Variants in EXOC4 observed in about 807,000 individuals in gnomAD.
EXOC4 encodes the protein SEC8-like 1.
In EXOC4, 71 loss-of-function variants were observed where a neutral mutation model predicts 107.2. That is an observed-to-expected ratio of 0.66 (90% CI 0.55 to 0.81). The LOEUF (loss-of-function observed/expected upper bound fraction) is 0.81. Ranked by LOEUF, EXOC4 falls within the 30% of genes least tolerant of loss-of-function variation. The pLI, the probability that EXOC4 is intolerant of heterozygous loss-of-function variation, is 0.00. For missense variants in EXOC4, 1,108 were observed against 1,189.6 expected (o/e 0.93, Z 1.01); for synonymous variants, 456 against 441.2 (o/e 1.03, Z -0.42).
intron 4 of EXOC4, among the ~76,000 whole-genome samples, chr7:133,312,500 A>G (rs1416314420): frequency 1.3e-5 from 2 of 152,176 alleles, no homozygotes; most frequent in African/African-American, 2.4e-5. Flanking sequence ...CATCATGAGC[A>G]TGTTTTTTAA....
intron 10 of EXOC4, among the ~76,000 whole-genome samples, chr7:133,670,164 T>C (rs1186976782): frequency 6.6e-6 from 1 of 152,220 alleles, no homozygotes; most frequent in African/African-American, 2.4e-5. Context: ...ATTGCTAAGG[T>C]GCATACCACC....
chr7:133,427,113 T>G (rs1458148892), intron 7 of EXOC4, among the ~76,000 whole-genome samples: 1 of 152,216 alleles, frequency 6.6e-6, no homozygotes, highest in Non-Finnish European at 1.5e-5. Flanking sequence ...TTGTTTTATT[T>G]TTTTCAAGAT....
intron 17 of EXOC4, among the ~76,000 whole-genome samples, chr7:134,029,362 T>C (rs188277929): frequency 1.5e-4 from 23 of 152,302 alleles, no homozygotes; most frequent in Admixed American, 1.4e-3. Flanking sequence ...ATTTCATTCA[T>C]ATGAAGGTCC....
rs114631571 is a variant in EXOC4, at chr7:133,380,797, G to A, written c.1182+5795G>A. 4.9e-3 allele frequency among the ~76,000 whole-genome samples: 752 copies of A among 152,226 alleles called. 5 individuals carry two copies. Among genetic ancestry groups the A allele is most frequent in the African/African-American group, 0.018 (729 of 41,540 alleles). On this transcript the variant is annotated intron_variant, in intron 7 of 17. Coordinates refer to ENST00000253861, the MANE Select transcript of EXOC4 (RefSeq NM_021807.4). ...ACGTTAATGCATACATGTACCAATGGCATAAGCTATTTGACAGAGAAAGAA... is the reference window on the plus strand; with the variant it reads ...ACGTTAATGCATACATGTACCAATGACATAAGCTATTTGACAGAGAAAGAA...
chr7:133,364,147 A>G (rs1365007051), intron 6 of EXOC4, among the ~76,000 whole-genome samples: 2 of 151,764 alleles, frequency 1.3e-5, no homozygotes, highest in East Asian at 1.9e-4. Flanking sequence ...TTTTATGGAG[A>G]TGTGGTCTCA....
intron 9 of EXOC4, among the ~76,000 whole-genome samples, chr7:133,599,222 C>T (rs1390251880): frequency 6.6e-6 from 1 of 152,040 alleles, no homozygotes; most frequent in Admixed American, 6.6e-5. Context: ...CGTTATAGTT[C>T]CATTGGTTGG....
chr7:133,497,294 G>C (rs969556507), intron 9 of EXOC4, among the ~76,000 whole-genome samples: 1 of 152,144 alleles, frequency 6.6e-6, no homozygotes, highest in Non-Finnish European at 1.5e-5. Flanking sequence ...TGTTAAATTT[G>C]TGAAATTGTC....
intron 17 of EXOC4, among the ~76,000 whole-genome samples, chr7:134,035,281 G>A (rs1454295005): frequency 6.6e-6 from 1 of 152,066 alleles, no homozygotes; most frequent in African/African-American, 2.4e-5. Flanking sequence ...CTGACCTCAG[G>A]TGATCCACCT....
At chr7:133,648,369 T>C (rs1008440402) in intron 10 of EXOC4, among the ~76,000 whole-genome samples, 1 of 152,212 alleles carries the variant, frequency 6.6e-6, no homozygotes, top group Admixed American at 6.5e-5. Flanking sequence ...CTGGAGAGCA[T>C]ACACTTCCCT....
At chr7:133,612,498 A>T (rs546355376) in intron 9 of EXOC4, among the ~76,000 whole-genome samples, 2 of 152,048 alleles carry the variant, frequency 1.3e-5, no homozygotes, top group East Asian at 3.9e-4. Context: ...AACAAGATGA[A>T]CACAGGTCTT....
rs759071721 is a variant in EXOC4, at chr7:133,253,136, G to T, written c.35G>T (p.Ser12Ile). The T allele has an allele frequency of 6.2e-7, 1 of 1,614,206 alleles. No individual in the cohort carries two copies. Among genetic ancestry groups the T allele is most frequent in the Admixed American group, 1.7e-5 (1 of 60,032 alleles). The stretch of plus-strand genomic sequence containing the variant: ...GAAGCAGCTGGTGGGAAATACAGAA[G>T]CACAGTCAGCAAAAGCAAAGACCCC... ...AAEAAGGKYR[S>I]TVSKSKDPSG... The change falls in exon 1 of 18, where the codon AGC becomes ATC. Residue 12 changes from serine (S) to isoleucine (I), a missense_variant. Ser to Ile is a moderately radical substitution (Grantham distance 142). Transcript: ENST00000253861.
intron 9 of EXOC4, among the ~76,000 whole-genome samples, chr7:133,482,404 C>T (rs1424238226): frequency 2.6e-5 from 4 of 152,124 alleles, no homozygotes; most frequent in Non-Finnish European, 4.4e-5. Flanking sequence ...CTCACTCACA[C>T]TCAAGCATAA....
intron 9 of EXOC4, among the ~76,000 whole-genome samples, chr7:133,548,897 C>G (rs1432516102): frequency 6.6e-6 from 1 of 152,206 alleles, no homozygotes; most frequent in Non-Finnish European, 1.5e-5. Flanking sequence ...CCTTCAAGAA[C>G]TTTTCTTTGC....
In EXOC4 at chr7:133,501,155, A is replaced by C. The variant is rs76056019; in HGVS notation, c.1417+21017A>C. Among the ~76,000 whole-genome samples the C allele has an allele frequency of 3.3e-5, 5 of 152,288 alleles. No homozygotes were observed. In the East Asian group the frequency reaches 9.6e-4, roughly 29 times the overall value. On this transcript the variant is annotated intron_variant, in intron 9 of 17. Transcript: ENST00000253861. ...CTCATACTCATTATTGTATATATCT[A>C]TATTTCCAGCATCTTCTGAAAGTTT... is the stretch of plus-strand genomic sequence containing the variant.
At chr7:133,257,637 G>C (rs1368328062) in intron 1 of EXOC4, among the ~76,000 whole-genome samples, 1 of 152,154 alleles carries the variant, frequency 6.6e-6, no homozygotes, top group Non-Finnish European at 1.5e-5. Context: ...GTTTAATTGG[G>C]AAGACAAACT....
chr7:133,688,721 C>T (rs1431781854), intron 10 of EXOC4, among the ~76,000 whole-genome samples: 2 of 152,018 alleles, frequency 1.3e-5, no homozygotes, highest in African/African-American at 4.8e-5. Context: ...ATAGCCCTGT[C>T]GTCTAGGCCT....
chr7:133,853,078 G>A (rs1798269032), intron 11 of EXOC4, among the ~76,000 whole-genome samples: 1 of 152,144 alleles, frequency 6.6e-6, no homozygotes, highest in African/African-American at 2.4e-5. Flanking sequence ...GTAAATGGCT[G>A]TAGCCTAAGG....
At chr7:133,796,364 C>T (rs889827846) in intron 10 of EXOC4, among the ~76,000 whole-genome samples, 1 of 152,210 alleles carries the variant, frequency 6.6e-6, no homozygotes, top group African/African-American at 2.4e-5. Flanking sequence ...AGAACCACTC[C>T]TCCTGATCAA....
At chr7:133,729,315 T>TG (rs1795278342) in intron 10 of EXOC4, among the ~76,000 whole-genome samples, 1 of 152,130 alleles carries the variant, frequency 6.6e-6, no homozygotes, top group Non-Finnish European at 1.5e-5. Flanking sequence ...TTAAAAATGT[T>TG]ATTTTTTTGA....
Sources: allele counts gnomAD v4.1 joint callset (sites outside exome capture counted in the v4.1 genomes callset), GRCh38; gene constraint gnomAD v4.1.1; transcripts MANE v1.5; gene names NCBI Gene and HGNC (gene_info 2026-07-23, HGNC 2026-07-21).